GCNT1: variants seen among roughly 807,000 people sequenced by gnomAD.
GCNT1 encodes glucosaminyl (N-acetyl) transferase 1, also known as beta-1,3-galactosyl-O-glycosyl-glycoprotein beta-1,6-N-acetylglucosaminyltransferase.
GCNT1 carries 16 observed loss-of-function variants against 26.2 expected under a neutral mutation model. The ratio of observed to expected loss-of-function variants is 0.61; its 90% CI spans 0.41 to 0.93. The LOEUF (loss-of-function observed/expected upper bound fraction) is 0.93. GCNT1 is among the 40% of genes least tolerant of loss of function. The probability of loss-of-function intolerance (pLI) is 0.00; values close to 1 mark genes in which losing one functional copy is unlikely to be tolerated. For synonymous variants in GCNT1, 183 were observed against 190.8 expected (o/e 0.96, Z 0.34); for missense variants, 477 against 526.7 (o/e 0.91, Z 0.92).
At chr9:76,468,936 T>A (rs1824067594) in intron 2 of GCNT1, among the ~76,000 whole-genome samples, 1 of 152,068 alleles carries the variant, frequency 6.6e-6, no homozygotes, top group Non-Finnish European at 1.5e-5. Flanking sequence ...GGAAAAAAAA[T>A]TAAAAACTGG....
rs1296982093 is a variant in GCNT1 at position 76,505,402 on chromosome 9, T to A, written c.*1734T>A. The A allele has an allele frequency of 6.0e-6, 1 of 167,524 alleles. No homozygotes were observed. Among genetic ancestry groups the A allele is most frequent in the Admixed American group, 6.5e-5 (1 of 15,294 alleles). The allele number at this position is 167,524 out of a possible 1,614,324, so 10.4% of individuals were successfully genotyped here. A position where few individuals can be genotyped will look rare whatever the true frequency, so the allele number is the denominator to read the frequency against. On this transcript the variant is annotated 3_prime_UTR_variant, in exon 4 of 4. Coordinates refer to ENST00000376730, the MANE Select transcript of GCNT1 (RefSeq NM_001490.5). Reference sequence around the variant, plus strand: ...ACATGCTTGTTTTGAAAACTCGAGATGATGAGGGTGGTACATGCAGTGTGT... The same window carrying A: ...ACATGCTTGTTTTGAAAACTCGAGAAGATGAGGGTGGTACATGCAGTGTGT...
At chr9:76,422,053 A>G (rs867509048) in intron 1 of GCNT1, among the ~76,000 whole-genome samples, 4 of 152,108 alleles carry the variant, frequency 2.6e-5, no homozygotes, top group African/African-American at 9.7e-5. Context: ...GCAGCAGGAG[A>G]GAGAATGAGT....
chr9:76,503,155 G>T lies in GCNT1; in HGVS notation c.774G>T (p.Arg258=). ...ATAAAGAAGAAAGGTGGAAGAAGCG[G>T]TATGAGGTCGTTAATGGAAAGCTGA... is the stretch of plus-strand genomic sequence containing the variant. ...PSHKEERWKK[R]YEVVNGKLTN... Residue 258 remains arginine (R), a synonymous_variant, in exon 4 of 4, where the codon CGG becomes CGT. Coordinates refer to ENST00000376730, the MANE Select transcript of GCNT1 (RefSeq NM_001490.5). The T allele has an allele frequency of 6.2e-7, 1 of 1,614,152 alleles. No homozygotes were observed. The highest frequency in any genetic ancestry group is 1.1e-5 in the South Asian group (1 of 91,082).
At chr9:76,484,934 T>A (rs641514) in intron 2 of GCNT1, among the ~76,000 whole-genome samples, 3 of 151,818 alleles carry the variant, frequency 2.0e-5, no homozygotes, top group Admixed American at 6.6e-5. Context: ...GACTACAGAC[T>A]CGTGCCACCA....
intron 1 of GCNT1, among the ~76,000 whole-genome samples, chr9:76,444,741 C>T (rs1823547989): frequency 6.6e-6 from 1 of 152,204 alleles, no homozygotes; most frequent in African/African-American, 2.4e-5. Context: ...TCTGTTTTCA[C>T]AAGGAGGCTG....
chr9:76,461,570 G>T (rs1271423545), intron 2 of GCNT1, among the ~76,000 whole-genome samples: 3 of 149,258 alleles, frequency 2.0e-5, no homozygotes, highest in Non-Finnish European at 3.0e-5. Flanking sequence ...GTGACAGAGC[G>T]AGAGTCTGTC....
chr9:76,409,898 C>T, the GCNT1 span, among the ~76,000 whole-genome samples: 1 of 151,704 alleles, frequency 6.6e-6, no homozygotes, highest in Non-Finnish European at 1.5e-5. Flanking sequence ...CATTCAATGC[C>T]CTAAATTTCC....
chr9:76,414,570 C>T, the GCNT1 span, among the ~76,000 whole-genome samples: 3 of 152,102 alleles, frequency 2.0e-5, no homozygotes, highest in African/African-American at 7.2e-5. Flanking sequence ...AGATGATAAA[C>T]AAGGGGTAGA....
chr9:76,506,715 C>T lies in GCNT1; in HGVS notation c.*3047C>T, dbSNP rs1049109836. The T allele has an allele frequency of 6.0e-6, 1 of 166,932 alleles. No homozygotes were observed. Among genetic ancestry groups the T allele is most frequent in the Non-Finnish European group, 1.5e-5 (1 of 68,088 alleles). 10.3% of individuals were successfully genotyped at this position (166,932 alleles called of 1,614,324 possible). On this transcript the variant is annotated 3_prime_UTR_variant, in exon 4 of 4. Transcript: ENST00000376730. ...CTCTTCCCAGATCTCAGTAAACAGC[C>T]ACTCAGCCTTGAAAATGGAGTGTTG...
intron 2 of GCNT1, among the ~76,000 whole-genome samples, chr9:76,486,736 T>G (rs900770734): frequency 6.6e-5 from 10 of 152,146 alleles, no homozygotes; most frequent in African/African-American, 2.4e-4. Flanking sequence ...TTCCTGCAAG[T>G]TTGTGGGGAA....
intron 1 of GCNT1, among the ~76,000 whole-genome samples, chr9:76,430,392 T>G (rs923287187): frequency 3.3e-5 from 5 of 149,266 alleles, no homozygotes; most frequent in African/African-American, 1.2e-4. Context: ...AGAACACTCA[T>G]TTTTTTTTTA....
the GCNT1 span, among the ~76,000 whole-genome samples, chr9:76,401,396 A>C: frequency 6.6e-6 from 1 of 152,194 alleles, no homozygotes. Context: ...CTCCTGCATA[A>C]CTGGAACTAC....
chr9:76,426,910 T>TA (rs978558110), intron 1 of GCNT1, among the ~76,000 whole-genome samples: 4 of 152,148 alleles, frequency 2.6e-5, no homozygotes, highest in African/African-American at 7.2e-5. Flanking sequence ...AGACTCCATC[T>TA]AAAAAAACAA....
Position 76,502,286 on chromosome 9 carries a change from C to G in GCNT1, c.-96C>G, listed in dbSNP as rs1587459822. On this transcript the variant is annotated 5_prime_UTR_variant, in exon 4 of 4. Transcript: ENST00000376730. ...CCGTTGCAGCTCTGATAAATGCAAA[C>G]TGACAACCTTCAAGGCCACGACGGA... is the stretch of plus-strand genomic sequence containing the variant. 8 of 740,570 alleles carry G rather than the reference C, an allele frequency of 1.1e-5. No individual in the cohort carries two copies. In the East Asian group the frequency reaches 2.0e-4, roughly 18 times the overall value. 45.9% of individuals were successfully genotyped at this position (740,570 alleles called of 1,614,324 possible). A position where few individuals can be genotyped will look rare whatever the true frequency, so the allele number is the denominator to read the frequency against.
chr9:76,486,915 TAAAACA>T, intron 2 of GCNT1, among the ~76,000 whole-genome samples: 1 of 128,262 alleles, frequency 7.8e-6, no homozygotes. Context: ...CATCTCTACT[TAAAACA>T]AACAAACAAA....
chr9:76,485,452 C>T (rs901774521), intron 2 of GCNT1, among the ~76,000 whole-genome samples: 4 of 151,816 alleles, frequency 2.6e-5, no homozygotes, highest in African/African-American at 9.7e-5. Context: ...GGGAGGCCTG[C>T]ATTTTACTTA....
At chr9:76,409,766 C>T in the GCNT1 span, among the ~76,000 whole-genome samples, 5 of 152,090 alleles carry the variant, frequency 3.3e-5, no homozygotes, top group East Asian at 9.6e-4. Flanking sequence ...GATTTCTGGT[C>T]TAATTTTTAT....
intron 2 of GCNT1, among the ~76,000 whole-genome samples, chr9:76,493,100 C>T (rs1477663831): frequency 6.6e-6 from 1 of 152,196 alleles, no homozygotes; most frequent in Non-Finnish European, 1.5e-5. Flanking sequence ...GGATTCTCTT[C>T]CTTGCCCTGA....
intron 1 of GCNT1, among the ~76,000 whole-genome samples, chr9:76,445,855 T>G (rs1026192012): frequency 1.2e-5 from 1 of 84,572 alleles, no homozygotes; most frequent in Non-Finnish European, 2.7e-5. Flanking sequence ...TGGTGGTGTG[T>G]GCCTGTTCCA....
Sources: allele counts gnomAD v4.1 joint callset (sites outside exome capture counted in the v4.1 genomes callset), GRCh38; gene constraint gnomAD v4.1.1; transcripts MANE v1.5; gene names NCBI Gene and HGNC (gene_info 2026-07-23, HGNC 2026-07-21).